The following MAGI2 variants were observed in gnomAD, a reference collection of about 807,000 sequenced individuals.
MAGI2 encodes the protein membrane associated guanylate kinase, WW and PDZ domain containing 2.
MAGI2 carries 35 observed loss-of-function variants against 133.3 expected under a neutral mutation model. The observed-to-expected ratio is 0.26, with a 90% CI of 0.20 to 0.35. MAGI2 has a LOEUF of 0.35. MAGI2 is among the 10% of genes least tolerant of loss of function. The pLI is 1.00. For missense variants in MAGI2, 1,636 were observed against 1,863.4 expected, an observed-to-expected ratio of 0.88 and a Z score of 2.25; for synonymous variants, 729 against 710.6, an observed-to-expected ratio of 1.03 and a Z score of -0.41.
intron 21 of MAGI2, among the ~76,000 whole-genome samples, chr7:78,060,254 C>G (rs6970942): frequency 0.037 from 5,048 of 136,722 alleles, 286 homozygotes; most frequent in African/African-American, 0.13. Flanking sequence ...ACCCCCCCCC[C>G]TCTTTAGATT....
At chr7:79,023,787 A>C (rs964819365) in intron 1 of MAGI2, among the ~76,000 whole-genome samples, 6 of 152,178 alleles carry the variant, frequency 3.9e-5, no homozygotes, top group African/African-American at 1.4e-4. Flanking sequence ...AAAGTGGTGA[A>C]ATATTTCTAC....
Position 79,163,598 on chromosome 7 carries a change from T to C in MAGI2, c.302-156392A>G, listed in dbSNP as rs528064354. Reference sequence around the variant, plus strand: ...AGATTAAATTTGTTGAATTCTGATTTAATGCTGGTCCTACAATCCTCAAAT... The same window carrying C: ...AGATTAAATTTGTTGAATTCTGATTCAATGCTGGTCCTACAATCCTCAAAT... On this transcript the variant is annotated intron_variant, in intron 1 of 21. Coordinates refer to ENST00000354212, the MANE Select transcript of MAGI2 (RefSeq NM_012301.4). Among the ~76,000 whole-genome samples the C allele has an allele frequency of 5.1e-4, 77 of 152,204 alleles. No individual in the cohort carries two copies. The South Asian group carries it at 0.011, about 21-fold the overall frequency.
intron 5 of MAGI2, among the ~76,000 whole-genome samples, chr7:78,491,334 T>C (rs1046019312): frequency 6.6e-6 from 1 of 152,118 alleles, no homozygotes; most frequent in Admixed American, 6.6e-5. Context: ...ATCCATCCCA[T>C]CTGTCTAGGT....
chr7:78,789,358 A>G (rs1827088509), intron 2 of MAGI2, among the ~76,000 whole-genome samples: 1 of 152,158 alleles, frequency 6.6e-6, no homozygotes, highest in Admixed American at 6.5e-5. Flanking sequence ...TTCAACTTCA[A>G]TTATCTAAGT....
chr7:78,531,821 G>A (rs1318331988), intron 3 of MAGI2, among the ~76,000 whole-genome samples: 1 of 152,086 alleles, frequency 6.6e-6, no homozygotes, highest in African/African-American at 2.4e-5. Flanking sequence ...AGACCTCTAC[G>A]ACTATTTTTA....
At chr7:79,084,097 G>T (rs1407454666) in intron 1 of MAGI2, among the ~76,000 whole-genome samples, 2 of 151,442 alleles carry the variant, frequency 1.3e-5, no homozygotes, top group African/African-American at 2.4e-5. Flanking sequence ...TCTTTTCAAA[G>T]AATCAATTTT....
chr7:79,373,296 G>A (rs1843171721), intron 1 of MAGI2, among the ~76,000 whole-genome samples: 1 of 151,736 alleles, frequency 6.6e-6, no homozygotes, highest in Admixed American at 6.6e-5. Flanking sequence ...TTAAAATATT[G>A]GAGTTGCCTG....
rs374978394 is a variant in MAGI2, at chr7:78,132,297, C to T, written c.3203+592G>A. Among the ~76,000 whole-genome samples the T allele has an allele frequency of 1.2e-4, 19 of 152,354 alleles. No individual in the cohort carries two copies. In the East Asian group the frequency reaches 3.5e-3, roughly 28 times the overall value. ...TGCAGCCACCTCCTAACTGCTTAAC[C>T]TGCATTCACCCTGCCAGCCTCCTGT... On this transcript the variant is annotated intron_variant, in intron 18 of 21. Coordinates refer to ENST00000354212, the MANE Select transcript of MAGI2 (RefSeq NM_012301.4).
intron 3 of MAGI2, among the ~76,000 whole-genome samples, chr7:78,592,881 C>G (rs1184695114): frequency 7.3e-6 from 1 of 136,854 alleles, no homozygotes. Flanking sequence ...GTTGCCCAGG[C>G]TGGAGGGCAG....
chr7:79,186,238 A>T (rs13311947), intron 1 of MAGI2, among the ~76,000 whole-genome samples: 24,550 of 87,370 alleles, frequency 0.28, 5,419 homozygotes, highest in African/African-American at 0.58. Context: ...ATATATATAT[A>T]TATATTTATA....
At chr7:78,388,617 G>A (rs1038359561) in intron 6 of MAGI2, among the ~76,000 whole-genome samples, 1 of 152,146 alleles carries the variant, frequency 6.6e-6, no homozygotes, top group African/African-American at 2.4e-5. Context: ...TTGTTAAATT[G>A]ACATTAGCCA....
intron 1 of MAGI2, among the ~76,000 whole-genome samples, chr7:79,083,049 C>T (rs139466096): frequency 5.9e-5 from 9 of 151,450 alleles, no homozygotes; most frequent in Non-Finnish European, 1.0e-4. Context: ...GCTGAATTCA[C>T]TTGTTATTTC....
chr7:79,163,327 C>T (rs1246053498), intron 1 of MAGI2, among the ~76,000 whole-genome samples: 1 of 152,054 alleles, frequency 6.6e-6, no homozygotes, highest in African/African-American at 2.4e-5. Flanking sequence ...AGGCACCTGC[C>T]ACCATTCCTG....
chr7:78,389,870 C>G (rs1206357323), intron 6 of MAGI2, among the ~76,000 whole-genome samples: 2 of 152,162 alleles, frequency 1.3e-5, no homozygotes, highest in Non-Finnish European at 2.9e-5. Flanking sequence ...AAACTATGAG[C>G]AAAACCATTA....
chr7:79,166,021 T>G (rs1824871691), intron 1 of MAGI2, among the ~76,000 whole-genome samples: 1 of 152,034 alleles, frequency 6.6e-6, no homozygotes, highest in Admixed American at 6.6e-5. Flanking sequence ...GGAAAAATCT[T>G]TGTTGGTTTG....
chr7:78,333,229 A>G (rs1182653736), intron 9 of MAGI2, among the ~76,000 whole-genome samples: 2 of 152,218 alleles, frequency 1.3e-5, no homozygotes, highest in African/African-American at 4.8e-5. Flanking sequence ...ATTTATTGCT[A>G]GCACTACAGA....
At chr7:78,205,913 G>A (rs2150776991) in intron 10 of MAGI2, among the ~76,000 whole-genome samples, 1 of 152,208 alleles carries the variant, frequency 6.6e-6, no homozygotes, top group African/African-American at 2.4e-5. Context: ...CTTCTCATTG[G>A]GATCCTGGAC....
intron 1 of MAGI2, chr7:79,414,876 T>A (rs1846393288): frequency 6.6e-6 from 1 of 152,110 alleles, no homozygotes; most frequent in South Asian, 2.1e-4. Flanking sequence ...CCAATCTAAT[T>A]TTTAGTAGTG....
At chr7:78,700,626 A>G (rs1817969342) in intron 2 of MAGI2, among the ~76,000 whole-genome samples, 1 of 152,086 alleles carries the variant, frequency 6.6e-6, no homozygotes, top group South Asian at 2.1e-4. Context: ...ACAAATCAGT[A>G]TACCTACCAT....
Sources: allele counts gnomAD v4.1 joint callset (sites outside exome capture counted in the v4.1 genomes callset), GRCh38; gene constraint gnomAD v4.1.1; transcripts MANE v1.5; gene names NCBI Gene and HGNC (gene_info 2026-07-23, HGNC 2026-07-21).